PCDHGB2: variants seen among roughly 807,000 people sequenced by gnomAD.
The protein encoded by PCDHGB2 is protocadherin gamma subfamily B, 2, also known as protocadherin gamma-B2.
In PCDHGB2, 55 loss-of-function variants were observed where a neutral mutation model predicts 59.3. The ratio of observed to expected loss-of-function variants is 0.93; its 90% CI spans 0.75 to 1.16. PCDHGB2 has a LOEUF of 1.16. PCDHGB2 is among the 50% of genes most tolerant of loss of function. The pLI, the probability that PCDHGB2 is intolerant of heterozygous loss-of-function variation, is 0.00. For missense variants in PCDHGB2, 1,228 were observed against 1,198.5 expected (o/e 1.02, Z -0.36); for synonymous variants, 516 against 512.0 (o/e 1.01, Z -0.11).
Position 141,431,560 on chromosome 5 carries a change from C to G in PCDHGB2, c.2422-63247C>G, listed in dbSNP as rs751276470. The G allele has an allele frequency of 6.2e-7, 1 of 1,613,986 alleles. No individual in the cohort carries two copies. The highest frequency in any genetic ancestry group is 1.7e-5 in the Admixed American group (1 of 60,016). On this transcript the variant is annotated intron_variant, in intron 1 of 3. Transcript: ENST00000522605. This position sits in a 1 kb window ranked among gnomAD's most constrained non-coding sequence, Gnocchi z 4.8. Reference sequence around the variant, plus strand: ...CGCAGCTGCTTGTAGTCAACGCTACCGACCCTGACGAAGGAGTCAATGCGG... The same window carrying G: ...CGCAGCTGCTTGTAGTCAACGCTACGGACCCTGACGAAGGAGTCAATGCGG...
At chr5:141,435,024 C>T (rs1263332887) in intron 1 of PCDHGB2, among the ~76,000 whole-genome samples, 3 of 151,970 alleles carry the variant, frequency 2.0e-5, no homozygotes, top group Non-Finnish European at 4.4e-5. Context: ...ATGCTCTTTT[C>T]CCACTTTTAT....
intron 1 of PCDHGB2, chr5:141,389,289 A>G (rs1384091312): frequency 1.2e-6 from 2 of 1,613,966 alleles, no homozygotes; most frequent in African/African-American, 1.3e-5. Context: ...TGGAGCCTCT[A>G]TTTCACAAGT....
At chr5:141,388,365 G>A (rs2091332064) in intron 1 of PCDHGB2, 1 of 1,614,002 alleles carries the variant, frequency 6.2e-7, no homozygotes, top group East Asian at 2.2e-5. Flanking sequence ...CCATGATGCG[G>A]ATATTGGTAG....
chr5:141,392,713 G>C, intron 1 of PCDHGB2: 1 of 1,363,444 alleles, frequency 7.3e-7, no homozygotes, highest in Non-Finnish European at 9.6e-7. Flanking sequence ...AGGCACTCCA[G>C]GTTTCCGGAG....
chr5:141,499,174 C>T (rs930279867), intron 2 of PCDHGB2, among the ~76,000 whole-genome samples: 20 of 152,198 alleles, frequency 1.3e-4, no homozygotes, highest in Middle Eastern at 3.4e-3. Flanking sequence ...AGCTCTGAGC[C>T]CAGCAAACCA....
chr5:141,365,759 C>G (rs376978243), intron 1 of PCDHGB2: 16 of 1,613,742 alleles, frequency 9.9e-6, no homozygotes, highest in Non-Finnish European at 1.2e-5. Flanking sequence ...TGTGACAGCC[C>G]ATGACCCCGA....
chr5:141,437,693 C>G (rs1305650032), intron 1 of PCDHGB2, among the ~76,000 whole-genome samples: 1 of 151,638 alleles, frequency 6.6e-6, no homozygotes, highest in African/African-American at 2.4e-5. Context: ...GAGGCTAAAT[C>G]TCAAGAAAGA....
intron 1 of PCDHGB2, chr5:141,371,395 A>G (rs746973366): frequency 5.0e-6 from 8 of 1,614,026 alleles, no homozygotes; most frequent in Non-Finnish European, 5.9e-6. Flanking sequence ...TGTAAAGTAC[A>G]GATAGATATT....
chr5:141,400,352 G>A (rs1214813312), intron 1 of PCDHGB2: 2 of 1,614,044 alleles, frequency 1.2e-6, no homozygotes, highest in Non-Finnish European at 1.7e-6. Flanking sequence ...TACAGTCAGG[G>A]GACTTTGCCT....
At chr5:141,407,874 T>C (rs2094995185) in intron 1 of PCDHGB2, 1 of 358,496 alleles carries the variant, frequency 2.8e-6, no homozygotes, top group South Asian at 5.6e-5. Context: ...GAAGAATATA[T>C]ACATTTCGGA....
In PCDHGB2 at chr5:141,511,421, G is replaced by A. The variant is rs1289887363; in HGVS notation, c.*248G>A. 19 of 829,148 alleles carry A rather than the reference G, an allele frequency of 2.3e-5. No individual in the cohort carries two copies. The highest frequency in any genetic ancestry group is 3.8e-4 in the Middle Eastern group (1 of 2,640). 51.4% of individuals were successfully genotyped at this position (829,148 alleles called of 1,614,324 possible). On this transcript the variant is annotated 3_prime_UTR_variant, in exon 4 of 4. Coordinates refer to ENST00000522605, the MANE Select transcript of PCDHGB2 (RefSeq NM_018923.3). The stretch of plus-strand genomic sequence containing the variant: ...CCAATCAACTGCTGTACCCATGGGG[G>A]TAGTGGGGTTACTGTAGACACCAAG...
chr5:141,404,147 G>A lies in PCDHGB2; in HGVS notation c.2421+41591G>A, dbSNP rs750117507. 2 of 1,612,990 alleles carry A rather than the reference G, an allele frequency of 1.2e-6. No homozygotes were observed. The highest frequency in any genetic ancestry group is 1.7e-6 in the Non-Finnish European group (2 of 1,179,340). ...ATCTTTTACATTAGAAAATTCAGAA[G>A]AAGATTATTACAGATTGTTGACGGC... On this transcript the variant is annotated intron_variant, in intron 1 of 3. Coordinates refer to ENST00000522605, the MANE Select transcript of PCDHGB2 (RefSeq NM_018923.3).
At position 141,393,516 on chromosome 5, in the gene PCDHGB2, A is replaced by G. The variant is rs368866192; in HGVS notation, c.2421+30960A>G. 1.5e-5 allele frequency: 24 copies of G among 1,614,046 alleles called. No homozygotes were observed. Among genetic ancestry groups the G allele is most frequent in the African/African-American group, 2.7e-5 (2 of 75,084 alleles). ...GCGCATCCACGTGACAGTGTTGGAT[A>G]CAAATGACAATGCCCCGGTTTTTCC... is the stretch of plus-strand genomic sequence containing the variant. On this transcript the variant is annotated intron_variant, in intron 1 of 3. Transcript: ENST00000522605.
At chr5:141,426,814 T>C (rs2096962370) in intron 1 of PCDHGB2, 1 of 456,592 alleles carries the variant, frequency 2.2e-6, no homozygotes, top group Admixed American at 2.3e-5. Flanking sequence ...AATGAACATT[T>C]CTCTCTGATG....
At chr5:141,435,497 C>T (rs1234443531) in intron 1 of PCDHGB2, among the ~76,000 whole-genome samples, 1 of 152,154 alleles carries the variant, frequency 6.6e-6, no homozygotes, top group African/African-American at 2.4e-5. Context: ...ATTTCCTACA[C>T]TAATGATACT....
chr5:141,493,179 T>C lies in PCDHGB2; in HGVS notation c.2422-1628T>C, dbSNP rs1208502829. 6.6e-6 allele frequency among the ~76,000 whole-genome samples: 1 copy of C among 152,230 alleles called. No homozygotes were observed. Among genetic ancestry groups the C allele is most frequent in the Non-Finnish European group, 1.5e-5 (1 of 68,040 alleles). On this transcript the variant is annotated intron_variant, in intron 1 of 3. Coordinates refer to ENST00000522605, the MANE Select transcript of PCDHGB2 (RefSeq NM_018923.3). This position sits in a 1 kb window ranked among gnomAD's most constrained non-coding sequence, Gnocchi z 4.3. ...TGATAGCTGATTGAGAGAAACTTAC[T>C]ATATAACTCCTTTGAGAACCTCATC...
intron 1 of PCDHGB2, among the ~76,000 whole-genome samples, chr5:141,402,646 G>A (rs2094289569): frequency 6.6e-6 from 1 of 152,198 alleles, no homozygotes; most frequent in South Asian, 2.1e-4. Context: ...ATCATAATTA[G>A]AAGAGAGTAG....
At chr5:141,410,348 C>T (rs761119683) in intron 1 of PCDHGB2, 3 of 1,614,034 alleles carry the variant, frequency 1.9e-6, no homozygotes, top group East Asian at 2.2e-5. Context: ...CTTGCGCCTG[C>T]GACGCTCTCT....
rs138031063 is a variant in PCDHGB2 at position 141,447,985 on chromosome 5, C to T, written c.2422-46822C>T. Among the ~76,000 whole-genome samples the T allele has an allele frequency of 3.9e-3, 591 of 152,010 alleles. 6 individuals are homozygous for T. The highest frequency in any genetic ancestry group is 0.011 in the Admixed American group (170 of 15,260). On this transcript the variant is annotated intron_variant, in intron 1 of 3. Transcript: ENST00000522605. ...CCTATAATCCCAGCTACTCGGGAGG[C>T]TGAGGCATGAGAATCGCTTGAACCC...
Sources: gnomAD v4.1 joint callset for allele counts (sites outside exome capture counted in the v4.1 genomes callset) on GRCh38, gnomAD v4.1.1 for gene constraint, Gnocchi (gnomAD v3.1) non-coding constraint, MANE v1.5 for transcripts, NCBI Gene and HGNC (gene_info 2026-07-23, HGNC 2026-07-21) for gene names.